Variants in CD24 observed in about 807,000 individuals in gnomAD.
The protein encoded by CD24 is CD24 molecule.
CD24 carries 2 observed loss-of-function variants against 3.6 expected under a neutral mutation model. That is an observed-to-expected ratio of 0.56 (90% CI 0.23 to 1.77). The LOEUF is 1.77. CD24 is among the 40% of genes most tolerant of loss of function. The pLI is 0.18. For synonymous variants in CD24, 33 were observed against 44.9 expected, an observed-to-expected ratio of 0.74 and a Z score of 1.06; for missense variants, 62 against 93.6, an observed-to-expected ratio of 0.66 and a Z score of 1.39.
intron 1 of CD24, among the ~76,000 whole-genome samples, 196 bp downstream of exon 1, chr6:106,974,382 G>A (rs1238852924): frequency 6.6e-6 from 1 of 152,164 alleles, no homozygotes; most frequent in Admixed American, 6.5e-5. Flanking sequence ...CGTGGGAGGA[G>A]GGGGGGCAGC....
chr6:106,974,016 C>T, intron 1 of CD24: 1 of 397,760 alleles, frequency 2.5e-6, no homozygotes, highest in South Asian at 1.4e-4. Flanking sequence ...GGCTTCAGCC[C>T]GGAACCGGGG....
intron 1 of CD24, chr6:106,973,709 GC>G: frequency 2.5e-6 from 1 of 398,594 alleles, no homozygotes; most frequent in South Asian, 1.3e-4. Context: ...CCCAGGCCCA[GC>G]CCCCGGTCTC....
rs1325125737 is a variant in CD24, at chr6:106,971,513, T to G, written c.*148A>C. The G allele has an allele frequency of 7.9e-6, 5 of 631,726 alleles. No individual in the cohort carries two copies. Among genetic ancestry groups the G allele is most frequent in the Non-Finnish European group, 1.1e-5 (4 of 365,038 alleles). 39.1% of individuals were successfully genotyped at this position (631,726 alleles called of 1,614,324 possible). On this transcript the variant is annotated 3_prime_UTR_variant, in exon 2 of 2. Transcript: ENST00000606017. ...TCTTCAAATCAATCAAATTTGGGATTCTCAACATTTTCTGTGTCAATAAAA... is the reference window on the plus strand; with the variant it reads ...TCTTCAAATCAATCAAATTTGGGATGCTCAACATTTTCTGTGTCAATAAAA...
chr6:106,974,785 G>T, upstream of CD24: 1 of 831,420 alleles, frequency 1.2e-6, no homozygotes, highest in Non-Finnish European at 1.8e-6. Context: ...CAATAGCCGT[G>T]ACGTGGCGCC....
At position 106,970,788 on chromosome 6, in the gene CD24, G is replaced by A. The variant is rs1772952469; in HGVS notation, c.*873C>T. 1.3e-5 allele frequency: 2 copies of A among 152,192 alleles called. No homozygotes were observed. The highest frequency in any genetic ancestry group is 2.4e-5 in the African/African-American group (1 of 41,438). 9.4% of individuals were successfully genotyped at this position (152,192 alleles called of 1,614,324 possible). A position where few individuals can be genotyped will look rare whatever the true frequency, so the allele number is the denominator to read the frequency against. The stretch of plus-strand genomic sequence containing the variant: ...GATCGCACCACTGCACTCCGGCCTG[G>A]GCGACAAAGTGAGACTGTCTAAAAA... On this transcript the variant is annotated 3_prime_UTR_variant, in exon 2 of 2. Coordinates refer to ENST00000606017, the MANE Select transcript of CD24 (RefSeq NM_001359084.1).
In CD24 at chr6:106,974,613, C is replaced by A. The variant is rs1259996008; in HGVS notation, c.34G>T (p.Gly12Trp). The change falls in exon 1 of 2, where the codon GGG becomes TGG. Residue 12 changes from glycine to tryptophan, a missense_variant. Gly to Trp is a radical substitution (Grantham distance 184, BLOSUM62 -2). Transcript: ENST00000606017. ...GRAMVARLGL[G>W]LLLLALLLPT... ...AGGAGCAGTGCCAGCAGCAGCAGCC[C>A]CAGCCCGAGCCTGGCCACCATTGCT... The A allele has an allele frequency of 2.7e-5, 40 of 1,469,958 alleles. No homozygotes were observed. The highest frequency in any genetic ancestry group is 9.7e-5 in the South Asian group (7 of 72,336). The allele number at this position is 1,469,958 out of a possible 1,614,324, so 91.1% of individuals were successfully genotyped here. A position where few individuals can be genotyped will look rare whatever the true frequency, so the allele number is the denominator to read the frequency against.
chr6:106,976,669 C>CTCTA (rs1773112263), upstream of CD24, among the ~76,000 whole-genome samples: 1 of 152,044 alleles, frequency 6.6e-6, no homozygotes, highest in Non-Finnish European at 1.5e-5. Context: ...CATGGTGAAA[C>CTCTA]CTAAAATCTA....
At position 106,974,715 on chromosome 6, in the gene CD24, G is replaced by A. The variant is rs1278657944; in HGVS notation, c.-69C>T. On this transcript the variant is annotated 5_prime_UTR_variant, in exon 1 of 2. Coordinates refer to ENST00000606017, the MANE Select transcript of CD24 (RefSeq NM_001359084.1). ...GCTTGGAGAACCGCTGGCTCCGGGC[G>A]GGCGCAGGCAAGGTGGGGAGCGCGG... The A allele has an allele frequency of 2.1e-5, 31 of 1,461,306 alleles. No homozygotes were observed. Among genetic ancestry groups the A allele is most frequent in the Non-Finnish European group, 2.7e-5 (30 of 1,110,456 alleles). 90.5% of individuals were successfully genotyped at this position (1,461,306 alleles called of 1,614,324 possible). A position where few individuals can be genotyped will look rare whatever the true frequency, so the allele number is the denominator to read the frequency against.
upstream of CD24, among the ~76,000 whole-genome samples, chr6:106,976,270 G>T (rs1462192961): frequency 9.2e-5 from 14 of 152,188 alleles, no homozygotes; most frequent in African/African-American, 2.9e-4. Context: ...AGCATTTTTC[G>T]GTCTTTAAAG....
rs1304814240 is a variant in CD24, at chr6:106,969,994, A to G, written c.*1667T>C. The G allele has an allele frequency of 2.0e-5, 3 of 152,666 alleles. No homozygotes were observed. The highest frequency in any genetic ancestry group is 4.4e-5 in the Non-Finnish European group (3 of 68,046). The allele number at this position is 152,666 out of a possible 1,614,324, so 9.5% of individuals were successfully genotyped here. ...AGCAAGAGTGTTCATTCACACACAC[A>G]GTAGCTTCAAAACTGTTCGATCTGT... On this transcript the variant is annotated 3_prime_UTR_variant, in exon 2 of 2. Transcript: ENST00000606017.
chr6:106,971,801 T>G lies in CD24; in HGVS notation c.103A>C (p.Ser35Arg), dbSNP rs1245580133. 9.7e-6 allele frequency: 15 copies of G among 1,550,780 alleles called. No homozygotes were observed. The highest frequency in any genetic ancestry group is 7.8e-6 in the Non-Finnish European group (9 of 1,146,498). Residue 35 changes from serine to arginine, a missense_variant, in exon 2 of 2, where the codon AGT (serine) becomes CGT (arginine). Transcript: ENST00000606017. ...TTGGAAGTACTCTGGGAGGAGTTAC[T>G]TGAAGTTCCAGTTGTTGTTTCACTG... ...YSSETTTGTSSNSSQSTSNSG... is the reference protein window; with the variant it reads ...YSSETTTGTSRNSSQSTSNSG...
intron 1 of CD24, chr6:106,973,862 C>T: frequency 5.0e-6 from 2 of 398,564 alleles, no homozygotes; most frequent in Non-Finnish European, 4.4e-6. Context: ...CTGGCGGGGA[C>T]TCGGGACAGA....
rs2114898038 is a variant in CD24 at position 106,971,891 on chromosome 6, ACT to A, written c.70-59_70-58del. ...TTCCACATCACAGCTACCTCCATGT[ACT>A]CTCATATAAAATTAAAGTAGGTGAT... On this transcript the variant is annotated intron_variant, in intron 1 of 1. Coordinates refer to ENST00000606017, the MANE Select transcript of CD24 (RefSeq NM_001359084.1). 3 of 1,106,940 alleles carry A rather than the reference ACT, an allele frequency of 2.7e-6. No individual in the cohort carries two copies. The East Asian group carries it at 7.8e-5, about 29-fold the overall frequency. 68.6% of individuals were successfully genotyped at this position (1,106,940 alleles called of 1,614,324 possible).
At position 106,974,650 on chromosome 6, in the gene CD24, C is replaced by A. The variant is rs1246575911; in HGVS notation, c.-4G>T. ...TGGCCACCATTGCTCTGCCCATGTC[C>A]CCTCCGTCGGTGCGCGGCGCGTCTA... On this transcript the variant is annotated 5_prime_UTR_variant, in exon 1 of 2. Transcript: ENST00000606017. 2.7e-6 allele frequency: 4 copies of A among 1,494,904 alleles called. No homozygotes were observed. The highest frequency in any genetic ancestry group is 2.9e-5 in the African/African-American group (2 of 68,838). The allele number at this position is 1,494,904 out of a possible 1,614,324, so 92.6% of individuals were successfully genotyped here.
In CD24 at chr6:106,974,569, G is replaced by T; in HGVS notation, c.69+9C>A. ...GGCCCTCGAGCCCCGCCGGGCGCCA[G>T]GGCCTCACCTGCGTGGGTAGGAGCA... On this transcript the variant is annotated intron_variant, in intron 1 of 1. Transcript: ENST00000606017. 7.0e-7 allele frequency: 1 copy of T among 1,432,582 alleles called. No homozygotes were observed. Among genetic ancestry groups the T allele is most frequent in the African/African-American group, 1.5e-5 (1 of 65,834 alleles). The allele number at this position is 1,432,582 out of a possible 1,614,324, so 88.7% of individuals were successfully genotyped here.
Position 106,971,841 on chromosome 6 carries a change from T to C in CD24, c.70-7A>G. On this transcript the variant is annotated splice_region_variant and splice_polypyrimidine_tract_variant and intron_variant, in intron 1 of 1. Transcript: ENST00000606017. ...TTGTTTCACTGGAATAAATCTAAAA[T>C]ACATAAAAAGTTACATGGATACATT... 6.5e-7 allele frequency: 1 copy of C among 1,529,466 alleles called. No homozygotes were observed. Among genetic ancestry groups the C allele is most frequent in the Non-Finnish European group, 8.9e-7 (1 of 1,128,150 alleles). 94.7% of individuals were successfully genotyped at this position (1,529,466 alleles called of 1,614,324 possible). A position where few individuals can be genotyped will look rare whatever the true frequency, so the allele number is the denominator to read the frequency against.
At chr6:106,972,000 A>T (rs1473875734) in intron 1 of CD24, among the ~76,000 whole-genome samples, 166 bp from the exon 2 acceptor site, 1 of 152,224 alleles carries the variant, frequency 6.6e-6, no homozygotes, top group Non-Finnish European at 1.5e-5. Context: ...CACCAAGGTC[A>T]TTCTCTTTAG....
At chr6:106,973,636 T>A in intron 1 of CD24, 1 of 398,426 alleles carries the variant, frequency 2.5e-6, no homozygotes, top group East Asian at 3.6e-5. Context: ...GTCACTCCCA[T>A]CCTCCAAACC....
rs1772939059 is a variant in CD24, at chr6:106,970,352, G to C, written c.*1309C>G. 2 of 152,248 alleles carry C rather than the reference G, an allele frequency of 1.3e-5. No homozygotes were observed. Among genetic ancestry groups the C allele is most frequent in the Admixed American group, 1.3e-4 (2 of 15,250 alleles). The allele number at this position is 152,248 out of a possible 1,614,324, so 9.4% of individuals were successfully genotyped here. A position where few individuals can be genotyped will look rare whatever the true frequency, so the allele number is the denominator to read the frequency against. ...ATATACAGAAAGAGTATAAAAGTTT[G>C]TGAATTTAATGCAAATTAGCTTCCA... On this transcript the variant is annotated 3_prime_UTR_variant, in exon 2 of 2. Coordinates refer to ENST00000606017, the MANE Select transcript of CD24 (RefSeq NM_001359084.1).
Sources: allele counts gnomAD v4.1 joint callset (sites outside exome capture counted in the v4.1 genomes callset), GRCh38; gene constraint gnomAD v4.1.1; transcripts MANE v1.5; gene names NCBI Gene and HGNC (gene_info 2026-07-23, HGNC 2026-07-21).